Variants in HCRTR2 observed in about 807,000 individuals in gnomAD.
HCRTR2 encodes the protein orexin receptor type 2.
HCRTR2 carries 22 observed loss-of-function variants against 49.0 expected under a neutral mutation model. That is an observed-to-expected ratio of 0.45 (90% CI 0.32 to 0.64). The LOEUF is 0.64. Ranked by LOEUF, HCRTR2 falls within the 30% of genes least tolerant of loss-of-function variation. HCRTR2 has a pLI of 0.04. For missense variants in HCRTR2, 491 were observed against 559.4 expected (o/e 0.88, Z 1.23); for synonymous variants, 236 against 205.3 (o/e 1.15, Z -1.28).
chr6:55,132,749 CTCTTT>C (rs1764376299), intron 1 of HCRTR2, among the ~76,000 whole-genome samples: 1 of 68,126 alleles, frequency 1.5e-5, no homozygotes, highest in Non-Finnish European at 3.4e-5. Context: ...CTCTCTCTCT[CTCTTT>C]TTTTTTTTTT....
intron 1 of HCRTR2, among the ~76,000 whole-genome samples, chr6:55,246,522 A>G (rs1766446681): frequency 6.6e-6 from 1 of 152,042 alleles, no homozygotes; most frequent in African/African-American, 2.4e-5. Flanking sequence ...GTTAGACTGA[A>G]TAATCTCCAA....
intron 1 of HCRTR2, among the ~76,000 whole-genome samples, chr6:55,218,370 A>T (rs1008612418): frequency 6.6e-6 from 1 of 152,232 alleles, no homozygotes; most frequent in Non-Finnish European, 1.5e-5. Flanking sequence ...GCTATATGAT[A>T]TATAGAAAAC....
intron 1 of HCRTR2, among the ~76,000 whole-genome samples, chr6:55,230,523 G>C (rs1325811121): frequency 6.6e-6 from 1 of 152,102 alleles, no homozygotes; most frequent in Non-Finnish European, 1.5e-5. Flanking sequence ...AGTAATATGG[G>C]ATGTGTTGAA....
intron 4 of HCRTR2, among the ~76,000 whole-genome samples, chr6:55,271,431 T>C (rs1766970525): frequency 6.6e-6 from 1 of 152,070 alleles, no homozygotes; most frequent in Non-Finnish European, 1.5e-5. Flanking sequence ...AGCTAATCTC[T>C]TAGAAGAAAA....
intron 1 of HCRTR2, among the ~76,000 whole-genome samples, chr6:55,237,416 A>G (rs974084200): frequency 3.9e-5 from 6 of 152,162 alleles, no homozygotes; most frequent in Admixed American, 6.5e-5. Flanking sequence ...TATCCCTATC[A>G]GAGTTCATAA....
At chr6:55,198,131 G>A (rs1275829599) in intron 1 of HCRTR2, among the ~76,000 whole-genome samples, 1 of 151,958 alleles carries the variant, frequency 6.6e-6, no homozygotes, top group African/African-American at 2.4e-5. Context: ...ACTACATGTA[G>A]CACTAATGTA....
At chr6:55,159,336 C>T (rs903864598) in intron 1 of HCRTR2, among the ~76,000 whole-genome samples, 2 of 151,680 alleles carry the variant, frequency 1.3e-5, no homozygotes, top group African/African-American at 4.8e-5. Flanking sequence ...ATCTGAAGGT[C>T]ACCAACACCA....
chr6:55,250,462 C>T (rs1347006860), intron 2 of HCRTR2, among the ~76,000 whole-genome samples: 4 of 152,116 alleles, frequency 2.6e-5, no homozygotes, highest in African/African-American at 2.4e-5. Flanking sequence ...TGAGGATTCT[C>T]TTAAGTTTTG....
At chr6:55,193,130 A>T (rs988969519) in intron 1 of HCRTR2, among the ~76,000 whole-genome samples, 7 of 152,188 alleles carry the variant, frequency 4.6e-5, no homozygotes, top group Admixed American at 3.9e-4. Context: ...ACAAATATTG[A>T]AAGTCTATTA....
intron 1 of HCRTR2, among the ~76,000 whole-genome samples, chr6:55,190,533 A>G (rs1235701315): frequency 1.3e-5 from 2 of 152,228 alleles, no homozygotes; most frequent in South Asian, 2.1e-4. Flanking sequence ...GGAGACAGGT[A>G]TGGTGAAATA....
Position 55,174,825 on chromosome 6 carries a change from G to C in HCRTR2, c.223+15G>C, listed in dbSNP as rs1179501835. On this transcript the variant is annotated intron_variant, in intron 1 of 6. Transcript: ENST00000370862. ...GAACGTCCTGGGTGAGTCTCCTCCC[G>C]GGCAGCCCTCCTAGGGGCTATCACC... 1 of 1,607,340 alleles carries C rather than the reference G, an allele frequency of 6.2e-7. No individual in the cohort carries two copies. Among genetic ancestry groups the C allele is most frequent in the Non-Finnish European group, 8.5e-7 (1 of 1,174,048 alleles).
intron 4 of HCRTR2, among the ~76,000 whole-genome samples, chr6:55,275,704 G>A (rs954243059): frequency 6.7e-6 from 1 of 150,360 alleles, no homozygotes; most frequent in Non-Finnish European, 1.5e-5. Flanking sequence ...TCCACCTCCT[G>A]GGTTCAAGCG....
chr6:55,127,972 G>A (rs1379689166), intron 1 of HCRTR2, among the ~76,000 whole-genome samples: 2 of 152,090 alleles, frequency 1.3e-5, no homozygotes, highest in Admixed American at 6.6e-5. Flanking sequence ...ATTGTTTTTG[G>A]CATCTTTGTC....
intron 1 of HCRTR2, among the ~76,000 whole-genome samples, chr6:55,235,346 C>A (rs1329440686): frequency 1.3e-5 from 2 of 152,048 alleles, no homozygotes; most frequent in Non-Finnish European, 2.9e-5. Context: ...ATAAAAATAT[C>A]TGAAAAGCTA....
At chr6:55,180,244 A>T (rs1326048943) in intron 1 of HCRTR2, among the ~76,000 whole-genome samples, 2 of 152,272 alleles carry the variant, frequency 1.3e-5, no homozygotes, top group African/African-American at 4.8e-5. Context: ...TCAGGCAGTA[A>T]ATAGCAGCAC....
At chr6:55,139,483 G>A (rs1160994444) in intron 1 of HCRTR2, among the ~76,000 whole-genome samples, 1 of 152,154 alleles carries the variant, frequency 6.6e-6, no homozygotes, top group Non-Finnish European at 1.5e-5. Flanking sequence ...ACCTAGTTTT[G>A]ATATCACTGA....
At chr6:55,125,179 C>A (rs961980358) in intron 1 of HCRTR2, among the ~76,000 whole-genome samples, 5 of 151,982 alleles carry the variant, frequency 3.3e-5, no homozygotes, top group Non-Finnish European at 5.9e-5. Flanking sequence ...TTGTTTTACC[C>A]ATTAGTTGCT....
chr6:55,114,946 T>G (rs1364069056), intron 1 of HCRTR2, among the ~76,000 whole-genome samples: 1 of 151,680 alleles, frequency 6.6e-6, no homozygotes, highest in Non-Finnish European at 1.5e-5. Context: ...CAAAGACCCT[T>G]GTTTTCCAAT....
rs185563093 is a variant in HCRTR2, at chr6:55,250,154, G to A, written c.402+1337G>A. ...ATACTATAGAAGTTATAAGCTCCAT[G>A]CATATATTATGTTTAATTATAAAGC... On this transcript the variant is annotated intron_variant, in intron 2 of 6. Transcript: ENST00000370862. Among the ~76,000 whole-genome samples the A allele has an allele frequency of 1.2e-4, 18 of 152,178 alleles. 1 individual carries two copies. The highest frequency in any genetic ancestry group is 9.8e-4 in the Admixed American group (15 of 15,264).
Sources: allele counts gnomAD v4.1 joint callset (sites outside exome capture counted in the v4.1 genomes callset), GRCh38; gene constraint gnomAD v4.1.1; transcripts MANE v1.5; gene names NCBI Gene and HGNC (gene_info 2026-07-23, HGNC 2026-07-21).